The following VAT1L variants were observed in gnomAD, a reference collection of about 807,000 sequenced individuals.
VAT1L encodes vesicle amine transport 1 like, also known as putative NADPH-dependent quinone oxidoreductase VAT1L.
Under a neutral mutation model 44.1 loss-of-function variants are expected in VAT1L, and 34 were observed. The observed-to-expected ratio is 0.77, with a 90% CI of 0.59 to 1.03. The LOEUF is 1.03. Among genes scored for constraint, VAT1L ranks in the 50% least tolerant of loss-of-function variants. The probability of loss-of-function intolerance (pLI) is 0.00; values close to 1 mark genes in which losing one functional copy is unlikely to be tolerated. For missense variants in VAT1L, 615 were observed against 538.8 expected (o/e 1.14, Z -1.40); for synonymous variants, 253 against 202.2 (o/e 1.25, Z -2.13).
At chr16:77,916,394 G>A (rs529830823) in intron 7 of VAT1L, among the ~76,000 whole-genome samples, 10 of 152,306 alleles carry the variant, frequency 6.6e-5, no homozygotes, top group African/African-American at 2.2e-4. Flanking sequence ...TAGCTGTATC[G>A]TTGTGAAGCT....
At chr16:77,934,865 G>C (rs1034564284) in intron 7 of VAT1L, among the ~76,000 whole-genome samples, 2 of 152,158 alleles carry the variant, frequency 1.3e-5, no homozygotes, top group Non-Finnish European at 1.5e-5. Context: ...GAGACATGAG[G>C]ATGAGTAAGA....
At chr16:77,868,794 T>G (rs1472390776) in intron 4 of VAT1L, among the ~76,000 whole-genome samples, 2 of 152,148 alleles carry the variant, frequency 1.3e-5, no homozygotes, top group African/African-American at 4.8e-5. Flanking sequence ...ACATTTGGGC[T>G]GGGATCATTC....
intron 7 of VAT1L, among the ~76,000 whole-genome samples, chr16:77,904,518 G>A (rs987948433): frequency 6.6e-6 from 1 of 152,162 alleles, no homozygotes; most frequent in African/African-American, 2.4e-5. Flanking sequence ...TCCCCACTCT[G>A]TGGAGTCTCT....
At chr16:77,790,485 C>G (rs879352294) in intron 1 of VAT1L, among the ~76,000 whole-genome samples, 1 of 152,050 alleles carries the variant, frequency 6.6e-6, no homozygotes, top group Admixed American at 6.5e-5. Flanking sequence ...GGAAAGAGCT[C>G]GGAGGAGGAT....
chr16:77,963,124 C>G (rs1304354145), intron 7 of VAT1L, among the ~76,000 whole-genome samples: 1 of 152,180 alleles, frequency 6.6e-6, no homozygotes, highest in East Asian at 1.9e-4. Context: ...CACGGCAGTT[C>G]TATTAGGTGG....
intron 7 of VAT1L, among the ~76,000 whole-genome samples, chr16:77,887,662 C>T (rs1255955353): frequency 2.6e-5 from 4 of 152,142 alleles, no homozygotes. Context: ...AGCAAAGGTA[C>T]TCAGGACCAG....
chr16:77,948,776 G>T (rs2018003619), intron 7 of VAT1L, among the ~76,000 whole-genome samples: 1 of 152,088 alleles, frequency 6.6e-6, no homozygotes, highest in Non-Finnish European at 1.5e-5. Flanking sequence ...GACATACTAT[G>T]TTTATGACCT....
intron 3 of VAT1L, among the ~76,000 whole-genome samples, chr16:77,837,055 G>A (rs1313651918): frequency 2.0e-5 from 3 of 152,126 alleles, no homozygotes; most frequent in African/African-American, 7.2e-5. Context: ...GCTGGCATGT[G>A]CACTCTCTTT....
At position 77,788,583 on chromosome 16, in the gene VAT1L, C is replaced by T. The variant is rs114040387; in HGVS notation, c.-100C>T. Reference sequence around the variant, plus strand: ...GCAGCCATTGCACAGCCGAGCATCCCACATTCAACAGGAGGAACCCGCGGG... The same window carrying T: ...GCAGCCATTGCACAGCCGAGCATCCTACATTCAACAGGAGGAACCCGCGGG... On this transcript the variant is annotated 5_prime_UTR_variant, in exon 1 of 9. Transcript: ENST00000302536. 0.074 allele frequency: 100,521 copies of T among 1,354,960 alleles called. 4,214 individuals are homozygous for T. Among genetic ancestry groups the T allele is most frequent in the Middle Eastern group, 0.092 (356 of 3,860 alleles). 83.9% of individuals were successfully genotyped at this position (1,354,960 alleles called of 1,614,324 possible). A position where few individuals can be genotyped will look rare whatever the true frequency, so the allele number is the denominator to read the frequency against.
intron 3 of VAT1L, among the ~76,000 whole-genome samples, chr16:77,839,687 C>T (rs866554378): frequency 1.2e-4 from 18 of 151,212 alleles, no homozygotes; most frequent in African/African-American, 3.2e-4. Context: ...AACCTTGGGG[C>T]GGGATCAGCA....
At chr16:77,848,406 C>T (rs547398822) in intron 3 of VAT1L, among the ~76,000 whole-genome samples, 8 of 152,242 alleles carry the variant, frequency 5.3e-5, no homozygotes, top group South Asian at 2.1e-4. Context: ...ATGCTCGTCA[C>T]GTTGCCTCTG....
At chr16:77,969,792 G>A (rs181838291) in intron 7 of VAT1L, among the ~76,000 whole-genome samples, 6 of 151,972 alleles carry the variant, frequency 3.9e-5, no homozygotes, top group Non-Finnish European at 5.9e-5. Flanking sequence ...GAAGATTCCC[G>A]GTGGGCAGTA....
intron 7 of VAT1L, among the ~76,000 whole-genome samples, chr16:77,889,604 T>C (rs1389025511): frequency 1.3e-5 from 2 of 152,246 alleles, no homozygotes; most frequent in Non-Finnish European, 2.9e-5. Context: ...ATGTGCTATA[T>C]GACAATCCTA....
chr16:77,832,782 A>T (rs1287474335), intron 3 of VAT1L, among the ~76,000 whole-genome samples: 1 of 152,214 alleles, frequency 6.6e-6, no homozygotes, highest in East Asian at 1.9e-4. Context: ...AGGGGGCATT[A>T]TGAGGCTTTT....
intron 7 of VAT1L, among the ~76,000 whole-genome samples, chr16:77,911,313 C>T (rs2017497585): frequency 6.6e-6 from 1 of 152,188 alleles, no homozygotes; most frequent in Non-Finnish European, 1.5e-5. Flanking sequence ...TGATTGGTGG[C>T]TTTAATTACT....
At position 77,879,065 on chromosome 16, in the gene VAT1L, G is replaced by C; in HGVS notation, c.827-104G>C. The C allele has an allele frequency of 8.6e-7, 1 of 1,165,700 alleles. No homozygotes were observed. The highest frequency in any genetic ancestry group is 2.4e-5 in the East Asian group (1 of 42,090). 72.2% of individuals were successfully genotyped at this position (1,165,700 alleles called of 1,614,324 possible). ...AAGGCTTAATTAAATTTGTTTTCAAGATTTCTCCAGTTCCGGACCAAACAA... is the reference window on the plus strand; with the variant it reads ...AAGGCTTAATTAAATTTGTTTTCAACATTTCTCCAGTTCCGGACCAAACAA... On this transcript the variant is annotated intron_variant, in intron 5 of 8. Transcript: ENST00000302536. This position sits in a 1 kb window ranked among gnomAD's most constrained non-coding sequence, Gnocchi z 4.1.
intron 1 of VAT1L, among the ~76,000 whole-genome samples, chr16:77,805,695 T>G (rs2016143494): frequency 1.3e-5 from 2 of 151,964 alleles, no homozygotes; most frequent in South Asian, 4.2e-4. Context: ...AATTTGATGG[T>G]GCTTTCCCTG....
chr16:77,924,729 G>A (rs1293662313), intron 7 of VAT1L, among the ~76,000 whole-genome samples: 2 of 152,160 alleles, frequency 1.3e-5, no homozygotes, highest in African/African-American at 2.4e-5. Context: ...AAAGTGCTGG[G>A]ATTACAGGCG....
chr16:77,976,405 G>T (rs992857793), intron 8 of VAT1L, among the ~76,000 whole-genome samples: 14 of 152,204 alleles, frequency 9.2e-5, no homozygotes, highest in African/African-American at 3.4e-4. Context: ...CTGGGCAGAG[G>T]GGGTAGAGGA....
Sources: allele counts gnomAD v4.1 joint callset (sites outside exome capture counted in the v4.1 genomes callset), GRCh38; gene constraint gnomAD v4.1.1; non-coding constraint Gnocchi (gnomAD v3.1); transcripts MANE v1.5; gene names NCBI Gene and HGNC (gene_info 2026-07-23, HGNC 2026-07-21).